NTM: variants seen among roughly 807,000 people sequenced by gnomAD.
NTM encodes the protein IgLON family member 2.
A neutral mutation model predicts 42.1 loss-of-function variants in NTM; 13 were observed. That is an observed-to-expected ratio of 0.31 (90% CI 0.20 to 0.49). NTM has a LOEUF of 0.49. NTM is among the 20% of genes least tolerant of loss of function. NTM has a pLI of 0.99. For synonymous variants in NTM, 187 were observed against 179.2 expected, an observed-to-expected ratio of 1.04 and a Z score of -0.35; for missense variants, 373 against 452.8, an observed-to-expected ratio of 0.82 and a Z score of 1.60.
At chr11:131,766,119 A>G (rs1210043374) in intron 1 of NTM, among the ~76,000 whole-genome samples, 1 of 152,188 alleles carries the variant, frequency 6.6e-6, no homozygotes, top group African/African-American at 2.4e-5. Flanking sequence ...TTAGACCTGC[A>G]TACCTCACAC....
At chr11:131,570,231 A>C (rs932474987) in intron 1 of NTM, among the ~76,000 whole-genome samples, 1 of 152,134 alleles carries the variant, frequency 6.6e-6, no homozygotes, top group Non-Finnish European at 1.5e-5. Context: ...AGTTCATGGG[A>C]ATCAGCATTA....
intron 1 of NTM, among the ~76,000 whole-genome samples, chr11:131,540,328 C>A (rs1296861625): frequency 6.6e-6 from 1 of 152,010 alleles, no homozygotes; most frequent in Non-Finnish European, 1.5e-5. Context: ...CCATGGCCAG[C>A]TAGTTGTTTT....
At chr11:131,818,018 G>A (rs1355693533) in intron 1 of NTM, among the ~76,000 whole-genome samples, 4 of 144,816 alleles carry the variant, frequency 2.8e-5, no homozygotes, top group South Asian at 4.1e-4. Context: ...GATGATAGGC[G>A]GGGGAGCAGG....
At chr11:131,449,244 C>T (rs865797703) in intron 1 of NTM, among the ~76,000 whole-genome samples, 14 of 151,246 alleles carry the variant, frequency 9.3e-5, no homozygotes, top group African/African-American at 2.2e-4. Flanking sequence ...GAAGGACAGC[C>T]GGGGACTGCT....
chr11:131,653,417 C>A (rs1054538624), intron 1 of NTM, among the ~76,000 whole-genome samples: 1 of 152,160 alleles, frequency 6.6e-6, no homozygotes, highest in Non-Finnish European at 1.5e-5. Flanking sequence ...CCTGCAGCTG[C>A]GGAAGAAATC....
At chr11:132,084,098 T>C (rs2059410028) in intron 2 of NTM, among the ~76,000 whole-genome samples, 1 of 152,170 alleles carries the variant, frequency 6.6e-6, no homozygotes, top group Non-Finnish European at 1.5e-5. Context: ...CTGTATGTTT[T>C]TCCTTTATTC....
intron 1 of NTM, among the ~76,000 whole-genome samples, chr11:131,381,115 A>C (rs1419420626): frequency 6.6e-6 from 1 of 152,198 alleles, no homozygotes; most frequent in Non-Finnish European, 1.5e-5. Context: ...TCAGATCAGT[A>C]GGGGAAGGGG....
chr11:131,870,684 T>A (rs2047688011), intron 1 of NTM, among the ~76,000 whole-genome samples: 1 of 152,144 alleles, frequency 6.6e-6, no homozygotes, highest in Non-Finnish European at 1.5e-5. Context: ...GACAACAACT[T>A]GCAAAATTTA....
chr11:132,066,747 C>T (rs2136092290), intron 2 of NTM, among the ~76,000 whole-genome samples: 1 of 152,224 alleles, frequency 6.6e-6, no homozygotes, highest in South Asian at 2.1e-4. Flanking sequence ...TATATATGTT[C>T]AAATTTGCTT....
At chr11:131,734,444 C>T (rs1442647925) in intron 1 of NTM, among the ~76,000 whole-genome samples, 1 of 152,130 alleles carries the variant, frequency 6.6e-6, no homozygotes, top group Non-Finnish European at 1.5e-5. Context: ...GTCTCCCTAC[C>T]CCCATCCTTT....
intron 2 of NTM, among the ~76,000 whole-genome samples, chr11:131,941,259 A>G (rs1187028811): frequency 6.6e-6 from 1 of 152,158 alleles, no homozygotes; most frequent in African/African-American, 2.4e-5. Context: ...CTGTTATCCT[A>G]TATCATTTCT....
intron 2 of NTM, among the ~76,000 whole-genome samples, chr11:132,067,418 G>T (rs1594285738): frequency 6.6e-6 from 1 of 152,148 alleles, no homozygotes; most frequent in Non-Finnish European, 1.5e-5. Context: ...AGTGTCATCA[G>T]CCCCAAAAGT....
chr11:131,856,613 G>A (rs181824954), intron 1 of NTM, among the ~76,000 whole-genome samples: 152 of 152,250 alleles, frequency 1.0e-3, no homozygotes, highest in Admixed American at 5.6e-3. Flanking sequence ...TTGATCTTAC[G>A]ATCTAGTTAA....
chr11:131,938,422 C>T (rs146527109), intron 2 of NTM, among the ~76,000 whole-genome samples: 63 of 152,292 alleles, frequency 4.1e-4, no homozygotes, highest in African/African-American at 1.5e-3. Context: ...GGAAAGAAAA[C>T]GGAAGTCACT....
chr11:131,776,002 A>G (rs2086908459), intron 1 of NTM, among the ~76,000 whole-genome samples: 1 of 152,160 alleles, frequency 6.6e-6, no homozygotes, highest in African/African-American at 2.4e-5. Flanking sequence ...ACTCAACAGA[A>G]GTTCTTTCCT....
chr11:132,267,095 C>T (rs1335845745), intron 4 of NTM, among the ~76,000 whole-genome samples: 2 of 152,168 alleles, frequency 1.3e-5, no homozygotes, highest in Admixed American at 6.5e-5. Flanking sequence ...TAAGGACAAG[C>T]AGTATCTTAT....
intron 2 of NTM, among the ~76,000 whole-genome samples, chr11:131,985,703 C>T (rs367928394): frequency 2.0e-5 from 3 of 152,140 alleles, no homozygotes; most frequent in East Asian, 1.9e-4. Flanking sequence ...GTTACTCCTA[C>T]GCTCATTCCA....
At chr11:131,712,289 A>G (rs2077255492) in intron 1 of NTM, among the ~76,000 whole-genome samples, 1 of 151,858 alleles carries the variant, frequency 6.6e-6, no homozygotes, top group African/African-American at 2.4e-5. Context: ...TCTCTTTACA[A>G]TGCTTGTACC....
intron 2 of NTM, among the ~76,000 whole-genome samples, chr11:132,070,956 ACC>A (rs1328771417): frequency 7.0e-6 from 1 of 143,232 alleles, no homozygotes; most frequent in Admixed American, 6.9e-5. Flanking sequence ...CGTCAAACTG[ACC>A]GTCACAGGTT....
Sources: gnomAD v4.1 joint callset for allele counts (sites outside exome capture counted in the v4.1 genomes callset) on GRCh38, gnomAD v4.1.1 for gene constraint, MANE v1.5 for transcripts, NCBI Gene and HGNC (gene_info 2026-07-23, HGNC 2026-07-21) for gene names.